The following WHRN variants were observed in gnomAD, a reference collection of about 807,000 sequenced individuals.
WHRN encodes CASK-interacting protein CIP98.
In WHRN, 41 loss-of-function variants were observed where a neutral mutation model predicts 68.3. The observed-to-expected ratio is 0.60, with a 90% confidence interval of 0.47 to 0.78. WHRN has a LOEUF of 0.78. Among genes scored for constraint, WHRN ranks in the 30% least tolerant of loss-of-function variants. The pLI is 0.00. For missense variants in WHRN, 1,243 were observed against 1,244.7 expected (o/e 1.00, Z 0.02); for synonymous variants, 560 against 561.3 (o/e 1.00, Z 0.03).
At chr9:114,408,059 G>A (rs748319784) in intron 7 of WHRN, 41 bp from the exon 8 acceptor site, 1 of 1,525,634 alleles carries the variant, frequency 6.6e-7, no homozygotes, top group South Asian at 1.2e-5. Context: ...AACAGAAGCT[G>A]AGAAGGGAAC....
At chr9:114,504,073 G>T in intron 1 of WHRN, 111 bp downstream of exon 1, 2 of 1,239,698 alleles carry the variant, frequency 1.6e-6, no homozygotes, top group Non-Finnish European at 2.2e-6. Flanking sequence ...AAAAAAAAAA[G>T]CCCAGAAAGG....
At chr9:114,418,639 T>C (rs62559517) in intron 7 of WHRN, among the ~76,000 whole-genome samples, 46,963 of 152,216 alleles carry the variant, frequency 0.31, 8,342 homozygotes, top group East Asian at 0.57. Context: ...TCTGGCCTTA[T>C]TGGCCGCCTG....
chr9:114,404,195 G>C (rs1589059241), intron 9 of WHRN, 118 bp from the exon 10 acceptor site: 8 of 1,124,968 alleles, frequency 7.1e-6, no homozygotes, highest in Admixed American at 2.0e-5. Flanking sequence ...AGGCAAAGAT[G>C]GGGGAAGGAA....
chr9:114,412,486 T>C (rs139267741), intron 7 of WHRN, among the ~76,000 whole-genome samples: 1 of 152,238 alleles, frequency 6.6e-6, no homozygotes, highest in African/African-American at 2.4e-5. Context: ...CTGAGGTGAC[T>C]GAAGATCAGA....
chr9:114,503,524 A>G (rs565590609), intron 1 of WHRN: 2 of 152,644 alleles, frequency 1.3e-5, no homozygotes, highest in South Asian at 4.1e-4. Flanking sequence ...TTCTCAATTA[A>G]CAAATGGCAG....
chr9:114,426,492 A>G (rs1836873700), intron 3 of WHRN, 79 bp from the exon 4 acceptor site: 7 of 1,535,338 alleles, frequency 4.6e-6, no homozygotes, highest in South Asian at 2.3e-5. Flanking sequence ...CCAGATCCCA[A>G]TTCTCCTCTG....
intron 7 of WHRN, among the ~76,000 whole-genome samples, chr9:114,420,520 C>T (rs911376282): frequency 1.2e-4 from 19 of 152,116 alleles, no homozygotes; most frequent in Admixed American, 1.0e-3. Context: ...TTGGAAGCCT[C>T]GGTTGGAGAA....
At chr9:114,488,711 C>G (rs983997796) in intron 1 of WHRN, among the ~76,000 whole-genome samples, 3 of 152,198 alleles carry the variant, frequency 2.0e-5, no homozygotes, top group Admixed American at 6.5e-5. Flanking sequence ...GTGATGCGGA[C>G]TCTGCCCCAG....
At chr9:114,502,486 G>C (rs1235110837) in intron 1 of WHRN, among the ~76,000 whole-genome samples, 1 of 152,016 alleles carries the variant, frequency 6.6e-6, no homozygotes, top group Non-Finnish European at 1.5e-5. Context: ...TGTTACTGAG[G>C]GAGATTCAGA....
At chr9:114,417,216 T>C (rs1835880958) in intron 7 of WHRN, among the ~76,000 whole-genome samples, 1 of 152,158 alleles carries the variant, frequency 6.6e-6, no homozygotes, top group African/African-American at 2.4e-5. Context: ...TGAGGGGAAA[T>C]GGCTGCAGAA....
At chr9:114,459,764 G>A (rs1346304723) in intron 3 of WHRN, among the ~76,000 whole-genome samples, 2 of 152,222 alleles carry the variant, frequency 1.3e-5, no homozygotes, top group Non-Finnish European at 2.9e-5. Context: ...CCAGACACTC[G>A]ATGGGCCTTC....
rs192494027 is a variant in WHRN at position 114,484,674 on chromosome 9, G to C, written c.619-5903C>G. 3.5e-4 allele frequency among the ~76,000 whole-genome samples: 54 copies of C among 152,302 alleles called. No individual in the cohort carries two copies. In the East Asian group the frequency reaches 7.9e-3, roughly 22 times the overall value. On this transcript the variant is annotated intron_variant, in intron 1 of 11. Coordinates refer to ENST00000362057, the MANE Select transcript of WHRN (RefSeq NM_015404.4). ...CCAACTCAAATCATAGAGAAATCTC[G>C]ATCTGACCCAGCAGATGGCACGACT...
At chr9:114,483,297 C>T (rs749597992) in intron 1 of WHRN, among the ~76,000 whole-genome samples, 4 of 152,168 alleles carry the variant, frequency 2.6e-5, no homozygotes, top group Non-Finnish European at 5.9e-5. Flanking sequence ...CCTGCAGGAA[C>T]AGCTCCATCC....
At chr9:114,445,554 A>C (rs942986725) in intron 3 of WHRN, among the ~76,000 whole-genome samples, 1 of 152,188 alleles carries the variant, frequency 6.6e-6, no homozygotes, top group Admixed American at 6.5e-5. Context: ...TTCCACAACT[A>C]AATGAAAAAA....
intron 3 of WHRN, among the ~76,000 whole-genome samples, chr9:114,464,219 T>C (rs949774180): frequency 1.3e-5 from 2 of 152,188 alleles, no homozygotes. Flanking sequence ...GAAGAGCATC[T>C]GGGAAAGAAG....
At chr9:114,421,841 C>T (rs1836314856) in intron 7 of WHRN, among the ~76,000 whole-genome samples, 1 of 152,212 alleles carries the variant, frequency 6.6e-6, no homozygotes, top group Non-Finnish European at 1.5e-5. Context: ...CTGCTGCAGC[C>T]ATGTCCAGCC....
chr9:114,416,217 C>G (rs780043054), intron 7 of WHRN, among the ~76,000 whole-genome samples: 1 of 152,334 alleles, frequency 6.6e-6, no homozygotes, highest in Non-Finnish European at 1.5e-5. Flanking sequence ...TCTCTCAAAT[C>G]CAGGTGGAAA....
chr9:114,486,985 A>G lies in WHRN; in HGVS notation c.619-8214T>C, dbSNP rs1340132064. On this transcript the variant is annotated intron_variant, in intron 1 of 11. Transcript: ENST00000362057. ...TATATATATATATATATATATATAT[A>G]TATATATATATATATATATATATAA... Among the ~76,000 whole-genome samples, 17 of 3,448 alleles carry G rather than the reference A, an allele frequency of 4.9e-3. 1 individual carries two copies. The highest frequency in any genetic ancestry group is 9.3e-3 in the Admixed American group (1 of 108). The allele number at this position is 3,448 out of a possible 152,430, so 2.3% of individuals were successfully genotyped here. A position where few individuals can be genotyped will look rare whatever the true frequency, so the allele number is the denominator to read the frequency against.
chr9:114,447,077 T>C (rs1210081459), intron 3 of WHRN, among the ~76,000 whole-genome samples: 1 of 152,130 alleles, frequency 6.6e-6, no homozygotes, highest in African/African-American at 2.4e-5. Context: ...CAGACCGCAC[T>C]CTTCACAGGG....
Sources: allele counts gnomAD v4.1 joint callset (sites outside exome capture counted in the v4.1 genomes callset), GRCh38; gene constraint gnomAD v4.1.1; transcripts MANE v1.5; gene names NCBI Gene and HGNC (gene_info 2026-07-23, HGNC 2026-07-21).